VIT: variants seen among roughly 807,000 people sequenced by gnomAD.
The protein encoded by VIT is vitrin.
VIT carries 99 observed loss-of-function variants against 78.0 expected under a neutral mutation model. That is an observed-to-expected ratio of 1.27 (90% CI 1.08 to 1.50). The LOEUF is 1.50. Among genes scored for constraint, VIT ranks in the 40% most tolerant of loss-of-function variants. The probability of loss-of-function intolerance (pLI) is 0.00; values close to 1 mark genes in which losing one functional copy is unlikely to be tolerated. For synonymous variants in VIT, 374 were observed against 334.3 expected, an observed-to-expected ratio of 1.12 and a Z score of -1.29; for missense variants, 1,126 against 875.3, an observed-to-expected ratio of 1.29 and a Z score of -3.61.
chr2:36,709,290 GCTC>G (rs1665654232), intron 1 of VIT, among the ~76,000 whole-genome samples: 1 of 152,198 alleles, frequency 6.6e-6, no homozygotes, highest in Non-Finnish European at 1.5e-5. Context: ...TTTGAATCCA[GCTC>G]CTCTTCTTCC....
intron 9 of VIT, among the ~76,000 whole-genome samples, chr2:36,777,088 C>CAAAAAAAAAAGAAAAAAAAAA (rs1237415711): frequency 1.4e-5 from 1 of 69,646 alleles, no homozygotes; most frequent in Non-Finnish European, 3.9e-5. Context: ...GACTCTGTCT[C>CAAAAAAAAAAGAAAAAAAAAA]AAAAAAATTA....
intron 1 of VIT, among the ~76,000 whole-genome samples, chr2:36,708,018 G>A (rs59995338): frequency 0.16 from 24,895 of 151,934 alleles, 2,143 homozygotes; most frequent in East Asian, 0.29. Flanking sequence ...TTGTGGCAAC[G>A]GGAAATGCAG....
At chr2:36,785,868 A>G (rs1665059586) in intron 11 of VIT, among the ~76,000 whole-genome samples, 2 of 152,266 alleles carry the variant, frequency 1.3e-5, no homozygotes, top group Admixed American at 6.5e-5. Flanking sequence ...GCACTCAGCA[A>G]TAAATATTTC....
chr2:36,719,024 C>T (rs1666333397), intron 2 of VIT, among the ~76,000 whole-genome samples: 1 of 152,170 alleles, frequency 6.6e-6, no homozygotes, highest in South Asian at 2.1e-4. Context: ...AACAAACAAA[C>T]AAACTGAGGC....
At chr2:36,774,522 G>A (rs1572516381) in intron 8 of VIT, 7 of 985,296 alleles carry the variant, frequency 7.1e-6, no homozygotes, top group East Asian at 1.1e-4. Flanking sequence ...ACTAGGATCA[G>A]AAGCAGGTCT....
chr2:36,801,185 G>C (rs904070797), intron 12 of VIT, 116 bp from the exon 13 acceptor site: 6 of 935,390 alleles, frequency 6.4e-6, no homozygotes, highest in Non-Finnish European at 1.0e-5. Flanking sequence ...ACAAGGCATA[G>C]CAGAAGGCTT....
At chr2:36,704,313 T>C (rs548077895) in intron 1 of VIT, among the ~76,000 whole-genome samples, 20 of 152,296 alleles carry the variant, frequency 1.3e-4, no homozygotes, top group African/African-American at 3.8e-4. Flanking sequence ...AGGATCACCA[T>C]GACAATTAAG....
chr2:36,719,305 T>TTC (rs1474069964), intron 2 of VIT, among the ~76,000 whole-genome samples: 1 of 152,192 alleles, frequency 6.6e-6, no homozygotes, highest in African/African-American at 2.4e-5. Flanking sequence ...CTCTTGCTAC[T>TTC]TCTGTTCAGC....
intron 3 of VIT, among the ~76,000 whole-genome samples, chr2:36,739,541 G>A (rs17019662): frequency 0.21 from 31,455 of 152,074 alleles, 4,523 homozygotes; most frequent in East Asian, 0.37. Flanking sequence ...TCACTACAGC[G>A]GACACATGAA....
intron 12 of VIT, chr2:36,787,896 T>A (rs1489537891): frequency 2.2e-6 from 1 of 449,590 alleles, no homozygotes; most frequent in East Asian, 7.1e-5. Flanking sequence ...TTCGCCAACC[T>A]GCTCTATTAT....
At chr2:36,699,593 TAG>T (rs1553357671) in intron 1 of VIT, among the ~76,000 whole-genome samples, 1 of 58,174 alleles carries the variant, frequency 1.7e-5, no homozygotes, top group Admixed American at 2.7e-4. Context: ...ATTATAGATA[TAG>T]ATATAGATAT....
chr2:36,811,830 AC>A (rs1667195571), intron 15 of VIT, among the ~76,000 whole-genome samples: 1 of 151,310 alleles, frequency 6.6e-6, no homozygotes, highest in East Asian at 1.9e-4. Flanking sequence ...CTGCCACCAC[AC>A]CCAGCTAATT....
At chr2:36,805,748 T>A (rs1666675402) in intron 14 of VIT, 84 bp downstream of exon 14, 2 of 1,408,742 alleles carry the variant, frequency 1.4e-6, no homozygotes, top group East Asian at 4.8e-5. Context: ...GGTTTTCCCA[T>A]GCCTTTAAAT....
chr2:36,748,582 G>A (rs1275120077), intron 4 of VIT, among the ~76,000 whole-genome samples: 1 of 152,186 alleles, frequency 6.6e-6, no homozygotes, highest in Non-Finnish European at 1.5e-5. Context: ...TTCAATCCCA[G>A]AAGTTCAGTT....
chr2:36,708,413 A>G (rs1338802576), intron 1 of VIT, among the ~76,000 whole-genome samples: 2 of 152,222 alleles, frequency 1.3e-5, no homozygotes, highest in Non-Finnish European at 2.9e-5. Flanking sequence ...AAACACCAAC[A>G]TTACATAAAT....
At position 36,754,970 on chromosome 2, in the gene VIT, G is replaced by A; in HGVS notation, c.325G>A (p.Gly109Arg). The A allele has an allele frequency of 6.2e-7, 1 of 1,614,126 alleles. No individual in the cohort carries two copies. Among genetic ancestry groups the A allele is most frequent in the South Asian group, 1.1e-5 (1 of 91,084 alleles). Residue 109 changes from glycine (G) to arginine (R), a missense_variant, in exon 5 of 16, where the codon GGA (glycine) becomes AGA (arginine). Transcript: ENST00000379242. ...GGKILVRKVA[G>R]QSGYKGSYSN... Reference sequence around the variant, plus strand: ...GAAAATACTTGTTCGGAAGGTTGCTGGACAGTCTGGTTACAAAGGGAGTTA... The same window carrying A: ...GAAAATACTTGTTCGGAAGGTTGCTAGACAGTCTGGTTACAAAGGGAGTTA...
At chr2:36,796,209 C>T (rs564546691) in intron 12 of VIT, among the ~76,000 whole-genome samples, 1 of 151,666 alleles carries the variant, frequency 6.6e-6, no homozygotes, top group Non-Finnish European at 1.5e-5. Context: ...AATGGTAAAC[C>T]CTTCTCAGCT....
chr2:36,728,531 T>TTTTTATAAATTTAGTGTA (rs1453098954), intron 2 of VIT, among the ~76,000 whole-genome samples: 5 of 97,644 alleles, frequency 5.1e-5, no homozygotes, highest in Admixed American at 2.9e-4. Flanking sequence ...GAAAAAATAT[T>TTTTTATAAATTTAGTGTA]GGCCGGGCGC....
At chr2:36,785,885 A>G (rs879679526) in intron 11 of VIT, among the ~76,000 whole-genome samples, 43 of 152,202 alleles carry the variant, frequency 2.8e-4, no homozygotes, top group Non-Finnish European at 4.1e-4. Flanking sequence ...TTTCTCATCA[A>G]TTCTTCTGCT....
Sources: gnomAD v4.1 joint callset for allele counts (sites outside exome capture counted in the v4.1 genomes callset) on GRCh38, gnomAD v4.1.1 for gene constraint, MANE v1.5 for transcripts, NCBI Gene and HGNC (gene_info 2026-07-23, HGNC 2026-07-21) for gene names.